The following SGCZ variants were observed in gnomAD, a reference collection of about 807,000 sequenced individuals.
SGCZ encodes zeta-sarcoglycan.
SGCZ carries 40 observed loss-of-function variants against 41.3 expected under a neutral mutation model. That is an observed-to-expected ratio of 0.97 (90% confidence interval 0.75 to 1.26). The LOEUF (loss-of-function observed/expected upper bound fraction) is 1.26. SGCZ is among the 50% of genes most tolerant of loss of function. The pLI is 0.00. For missense variants in SGCZ, 552 were observed against 369.8 expected, an observed-to-expected ratio of 1.49 and a Z score of -4.04; for synonymous variants, 206 against 137.5, an observed-to-expected ratio of 1.50 and a Z score of -3.49.
intron 2 of SGCZ, among the ~76,000 whole-genome samples, chr8:14,402,910 C>G (rs1056633808): frequency 6.7e-6 from 1 of 149,888 alleles, no homozygotes; most frequent in Non-Finnish European, 1.5e-5. Flanking sequence ...ATTGATTCTT[C>G]CTACCCATGA....
chr8:15,006,268 T>C (rs1044836757), intron 1 of SGCZ, among the ~76,000 whole-genome samples: 1 of 152,206 alleles, frequency 6.6e-6, no homozygotes, highest in Non-Finnish European at 1.5e-5. Flanking sequence ...ATGGCCATGA[T>C]TTTCTATAAA....
chr8:14,159,001 T>A (rs1305885431), intron 5 of SGCZ, among the ~76,000 whole-genome samples: 1 of 152,168 alleles, frequency 6.6e-6, no homozygotes, highest in Admixed American at 6.5e-5. Context: ...ACTTCTGACC[T>A]CAAATGATCT....
At chr8:15,113,871 A>G (rs1016261471) in intron 1 of SGCZ, among the ~76,000 whole-genome samples, 4 of 152,080 alleles carry the variant, frequency 2.6e-5, no homozygotes, top group African/African-American at 9.7e-5. Context: ...AAGTTCCCCC[A>G]TAGGCCCCAT....
intron 2 of SGCZ, among the ~76,000 whole-genome samples, chr8:14,479,046 A>G (rs1801445390): frequency 1.3e-5 from 2 of 152,172 alleles, no homozygotes; most frequent in South Asian, 4.1e-4. Flanking sequence ...ACAGGATTAA[A>G]TGGATAGAGG....
At chr8:14,614,169 G>A (rs1806020132) in intron 1 of SGCZ, among the ~76,000 whole-genome samples, 1 of 152,116 alleles carries the variant, frequency 6.6e-6, no homozygotes, top group Non-Finnish European at 1.5e-5. Context: ...TAAATTAAAT[G>A]TGTTGTCAAG....
intron 1 of SGCZ, among the ~76,000 whole-genome samples, chr8:14,750,792 G>A (rs558391416): frequency 2.0e-5 from 3 of 152,244 alleles, no homozygotes; most frequent in African/African-American, 4.8e-5. Flanking sequence ...AATTACTTCC[G>A]TACAAAGCAA....
chr8:15,107,684 C>G (rs1806885749), intron 1 of SGCZ, among the ~76,000 whole-genome samples: 1 of 152,098 alleles, frequency 6.6e-6, no homozygotes. Flanking sequence ...TTAAGTTACC[C>G]AGCCTCAGGT....
At chr8:14,211,173 G>A (rs552544943) in intron 4 of SGCZ, among the ~76,000 whole-genome samples, 21 of 152,232 alleles carry the variant, frequency 1.4e-4, no homozygotes, top group Non-Finnish European at 1.6e-4. Flanking sequence ...TTTGTCAGTA[G>A]AGGGCGCTGG....
At chr8:15,073,254 T>C (rs935518564) in intron 1 of SGCZ, among the ~76,000 whole-genome samples, 3 of 152,180 alleles carry the variant, frequency 2.0e-5, no homozygotes, top group African/African-American at 7.2e-5. Context: ...AATAATCATA[T>C]CTTCACAACT....
rs567566434 is a variant in SGCZ, at chr8:14,786,919, A to G, written c.40-231993T>C. On this transcript the variant is annotated intron_variant, in intron 1 of 7. Coordinates refer to ENST00000382080, the MANE Select transcript of SGCZ (RefSeq NM_139167.4). ...CCCATACAACCATGCTGTATGATAA[A>G]TTAGAGGAGGGGAAAGGGTAGAAAA... Among the ~76,000 whole-genome samples the G allele has an allele frequency of 2.6e-5, 4 of 152,052 alleles. No individual in the cohort carries two copies. In the East Asian group the frequency reaches 7.7e-4, roughly 29 times the overall value.
intron 1 of SGCZ, among the ~76,000 whole-genome samples, chr8:15,165,503 G>C (rs940110188): frequency 6.6e-6 from 1 of 152,148 alleles, no homozygotes; most frequent in Non-Finnish European, 1.5e-5. Flanking sequence ...GCTGGCTTTA[G>C]ATTTGATATG....
chr8:15,011,605 AC>A (rs1802829465), intron 1 of SGCZ, among the ~76,000 whole-genome samples: 1 of 152,188 alleles, frequency 6.6e-6, no homozygotes. Context: ...TAAATTATTA[AC>A]TCCCAGACTA....
intron 5 of SGCZ, among the ~76,000 whole-genome samples, chr8:14,116,043 G>A (rs1170877683): frequency 1.3e-5 from 2 of 151,900 alleles, no homozygotes; most frequent in Non-Finnish European, 2.9e-5. Flanking sequence ...TTATTCCTTA[G>A]GACTTCTGGT....
At chr8:14,918,441 G>A (rs1019790387) in intron 1 of SGCZ, among the ~76,000 whole-genome samples, 5 of 151,680 alleles carry the variant, frequency 3.3e-5, no homozygotes, top group South Asian at 2.1e-4. Context: ...TTATCATTTC[G>A]GTTTTAAACA....
At chr8:14,236,584 C>G (rs13250197) in intron 4 of SGCZ, among the ~76,000 whole-genome samples, 54,288 of 151,166 alleles carry the variant, frequency 0.36, 9,958 homozygotes, top group African/African-American at 0.4. Flanking sequence ...TGATTAATTT[C>G]TCATTAAAAT....
chr8:14,222,959 G>A lies in SGCZ; in HGVS notation c.424+14633C>T, dbSNP rs112925344. 7.2e-3 allele frequency among the ~76,000 whole-genome samples: 1,085 copies of A among 151,502 alleles called. 13 individuals carry two copies. Among genetic ancestry groups the A allele is most frequent in the African/African-American group, 0.025 (1,033 of 41,264 alleles). ...TTTCAGTAGCTAAGATTACAGGCAC[G>A]TACCACCACACCCAGCTAATTTTTG... is the stretch of plus-strand genomic sequence containing the variant. On this transcript the variant is annotated intron_variant, in intron 4 of 7. Coordinates refer to ENST00000382080, the MANE Select transcript of SGCZ (RefSeq NM_139167.4).
chr8:15,195,269 C>T (rs1800686501), intron 1 of SGCZ, among the ~76,000 whole-genome samples: 1 of 152,126 alleles, frequency 6.6e-6, no homozygotes, highest in Non-Finnish European at 1.5e-5. Flanking sequence ...GTGTGTCCTC[C>T]TGTCAGCATC....
chr8:14,582,504 T>C (rs947870637), intron 1 of SGCZ, among the ~76,000 whole-genome samples: 2 of 152,154 alleles, frequency 1.3e-5, no homozygotes, highest in African/African-American at 4.8e-5. Flanking sequence ...CACTCTTTTC[T>C]TTAAATTTAT....
intron 1 of SGCZ, among the ~76,000 whole-genome samples, chr8:14,721,593 C>G (rs1437001943): frequency 6.6e-6 from 1 of 152,180 alleles, no homozygotes; most frequent in East Asian, 1.9e-4. Flanking sequence ...ACCTCTACCA[C>G]TCACAGCCTG....
Sources: gnomAD v4.1 joint callset for allele counts (sites outside exome capture counted in the v4.1 genomes callset) on GRCh38, gnomAD v4.1.1 for gene constraint, MANE v1.5 for transcripts, NCBI Gene and HGNC (gene_info 2026-07-23, HGNC 2026-07-21) for gene names.